Variants in EPB41L3 observed in about 807,000 individuals in gnomAD.
EPB41L3 encodes the protein erythrocyte membrane protein band 4.1 like 3.
Under a neutral mutation model 127.1 loss-of-function variants are expected in EPB41L3, and 57 were observed. The observed-to-expected ratio is 0.45, with a 90% CI of 0.36 to 0.56. EPB41L3 has a LOEUF of 0.56. Among genes scored for constraint, EPB41L3 ranks in the 20% least tolerant of loss-of-function variants. The pLI is 0.00. For synonymous variants in EPB41L3, 572 were observed against 549.5 expected (o/e 1.04, Z -0.57); for missense variants, 1,273 against 1,372.2 (o/e 0.93, Z 1.14).
chr18:5,527,601 A>G (rs1420254380), intron 1 of EPB41L3, among the ~76,000 whole-genome samples: 5 of 152,232 alleles, frequency 3.3e-5, no homozygotes, highest in African/African-American at 1.2e-4. Flanking sequence ...AGAAACACGA[A>G]AACATAAAAT....
chr18:5,419,107 G>A (rs1294854110), intron 12 of EPB41L3, among the ~76,000 whole-genome samples: 1 of 152,104 alleles, frequency 6.6e-6, no homozygotes, highest in Non-Finnish European at 1.5e-5. Flanking sequence ...ATTTAATTTG[G>A]GGTGAAACAA....
Position 5,514,569 on chromosome 18 carries a change from TA to T in EPB41L3, c.-11-25376del, listed in dbSNP as rs139881867. Among the ~76,000 whole-genome samples, 1,231 of 152,330 alleles carry T rather than the reference TA, an allele frequency of 8.1e-3. 17 individuals carry two copies. Among genetic ancestry groups the T allele is most frequent in the African/African-American group, 0.028 (1,170 of 41,572 alleles). ...ACACCACCTTACGCACATTGGATAC[TA>T]AATGTGTGTATCTGCTTTATTTTTA... On this transcript the variant is annotated intron_variant, in intron 1 of 22. Coordinates refer to ENST00000341928, the MANE Select transcript of EPB41L3 (RefSeq NM_012307.5).
At chr18:5,530,051 A>G (rs1355732081) in intron 1 of EPB41L3, among the ~76,000 whole-genome samples, 1 of 151,848 alleles carries the variant, frequency 6.6e-6, no homozygotes, top group South Asian at 2.1e-4. Context: ...TCTACCTCCT[A>G]AACATTTTTC....
intron 3 of EPB41L3, among the ~76,000 whole-genome samples, chr18:5,445,646 T>TAA (rs1302249955): frequency 1.3e-5 from 2 of 152,282 alleles, no homozygotes; most frequent in African/African-American, 4.8e-5. Context: ...CAGAGTGCCC[T>TAA]AACTCAATTA....
intron 16 of EPB41L3, chr18:5,398,707 C>T: frequency 2.5e-6 from 1 of 399,406 alleles, no homozygotes; most frequent in East Asian, 3.6e-5. Context: ...ACGGTAAAGG[C>T]TGGTTCCTGG....
At chr18:5,436,385 A>G (rs916498055) in intron 6 of EPB41L3, among the ~76,000 whole-genome samples, 2 of 149,580 alleles carry the variant, frequency 1.3e-5, no homozygotes, top group African/African-American at 4.9e-5. Flanking sequence ...GAAAGAAACC[A>G]TGCACTACAT....
At chr18:5,537,548 C>T (rs1327836402) in intron 1 of EPB41L3, among the ~76,000 whole-genome samples, 2 of 152,084 alleles carry the variant, frequency 1.3e-5, no homozygotes, top group African/African-American at 4.8e-5. Flanking sequence ...AAAAAATATT[C>T]TTCTTCCCTA....
Position 5,415,977 on chromosome 18 carries a change from G to C in EPB41L3, c.1908C>G (p.Phe636Leu). 6.2e-7 allele frequency: 1 copy of C among 1,614,148 alleles called. No homozygotes were observed. Among genetic ancestry groups the C allele is most frequent in the Non-Finnish European group, 8.5e-7 (1 of 1,180,034 alleles). ...PIRSPSLVPCFLFIFFFLLSA... is the reference protein window; with the variant it reads ...PIRSPSLVPCLLFIFFFLLSA... ...ACAGCAGAAAGAAAAAGATGAAGAG[G>C]AAACAGGGCACAAGGGACGGTGAGC... is the stretch of plus-strand genomic sequence containing the variant. The change falls in exon 13 of 23, where the codon TTC becomes TTG. Residue 636 changes from phenylalanine to leucine, a missense_variant. This residue lies in a region of EPB41L3 where 765 missense variants were observed against 782.9 expected (regional missense o/e 0.98). Coordinates refer to ENST00000341928, the MANE Select transcript of EPB41L3 (RefSeq NM_012307.5).
rs1017699301 is a variant in EPB41L3, at chr18:5,505,535, C to T, written c.-11-16341G>A. On this transcript the variant is annotated intron_variant, in intron 1 of 22. Coordinates refer to ENST00000341928, the MANE Select transcript of EPB41L3 (RefSeq NM_012307.5). ...CCTACCCTCCACACTTTCACCTCCA[C>T]CCCTACCCTCCACACCTTCAGCTCT... Among the ~76,000 whole-genome samples the T allele has an allele frequency of 4.5e-4, 67 of 149,684 alleles. 1 individual carries two copies. Among genetic ancestry groups the T allele is most frequent in the Non-Finnish European group, 5.0e-4 (34 of 67,448 alleles).
chr18:5,623,913 T>C (rs1018907853), intron 1 of EPB41L3, among the ~76,000 whole-genome samples: 8 of 152,088 alleles, frequency 5.3e-5, no homozygotes, highest in African/African-American at 1.9e-4. Context: ...CATCTCAGCC[T>C]CCCAAAGCGC....
At chr18:5,408,722 A>G (rs904852789) in intron 14 of EPB41L3, among the ~76,000 whole-genome samples, 2 of 152,050 alleles carry the variant, frequency 1.3e-5, no homozygotes, top group African/African-American at 2.4e-5. Context: ...AGATGGGACA[A>G]TTTTTGAAAT....
intron 8 of EPB41L3, among the ~76,000 whole-genome samples, chr18:5,429,940 AG>A (rs1211967764): frequency 6.6e-6 from 1 of 152,180 alleles, no homozygotes; most frequent in Non-Finnish European, 1.5e-5. Flanking sequence ...CCATCGGCAG[AG>A]TGCAGGAACG....
At chr18:5,518,599 T>G (rs1380782662) in intron 1 of EPB41L3, 3 of 152,392 alleles carry the variant, frequency 2.0e-5, no homozygotes, top group East Asian at 1.9e-4. Context: ...CCTAGAAGAA[T>G]GCCTGGGACT....
chr18:5,498,921 CTAAACTT>C (rs2148474146), intron 1 of EPB41L3, among the ~76,000 whole-genome samples: 1 of 152,302 alleles, frequency 6.6e-6, no homozygotes, highest in African/African-American at 2.4e-5. Flanking sequence ...TGCTTCTTAA[CTAAACTT>C]TAAACAAATC....
intron 3 of EPB41L3, among the ~76,000 whole-genome samples, chr18:5,607,510 G>A (rs913221849): frequency 5.9e-5 from 9 of 152,072 alleles, no homozygotes; most frequent in African/African-American, 2.2e-4. Context: ...AATAAAGCAG[G>A]AATTACCTAT....
Position 5,504,737 on chromosome 18 carries a change from C to T in EPB41L3, c.-11-15543G>A, listed in dbSNP as rs1440188697. Among the ~76,000 whole-genome samples, 5 of 152,092 alleles carry T rather than the reference C, an allele frequency of 3.3e-5. No individual in the cohort carries two copies. In the East Asian group the frequency reaches 7.7e-4, roughly 23 times the overall value. ...TAAGAAATGAAGTATTTTCAGTTGT[C>T]CCCCATCACTGACTTCTCCTTCATA... is the stretch of plus-strand genomic sequence containing the variant. On this transcript the variant is annotated intron_variant, in intron 1 of 22. Transcript: ENST00000341928.
chr18:5,491,773 A>T (rs2090620550), intron 1 of EPB41L3, among the ~76,000 whole-genome samples: 2 of 152,214 alleles, frequency 1.3e-5, no homozygotes, highest in Admixed American at 6.5e-5. Context: ...TAAAACTGTC[A>T]AGGCTACTGA....
intron 3 of EPB41L3, among the ~76,000 whole-genome samples, chr18:5,588,361 G>A (rs895451000): frequency 5.3e-5 from 8 of 152,070 alleles, no homozygotes; most frequent in African/African-American, 1.4e-4. Context: ...AATTATAAAT[G>A]AGTAACCTAA....
intron 3 of EPB41L3, among the ~76,000 whole-genome samples, chr18:5,585,545 T>C (rs1204209649): frequency 6.6e-6 from 1 of 152,130 alleles, no homozygotes; most frequent in African/African-American, 2.4e-5. Context: ...AAACAAGCAA[T>C]GCAAGTCCAG....
Sources: allele counts gnomAD v4.1 joint callset (sites outside exome capture counted in the v4.1 genomes callset), GRCh38; gene constraint gnomAD v4.1.1; regional missense constraint gnomAD v4.1.1; transcripts MANE v1.5; gene names NCBI Gene and HGNC (gene_info 2026-07-23, HGNC 2026-07-21).